CDKL4: variants seen among roughly 807,000 people sequenced by gnomAD.
CDKL4 encodes cyclin-dependent kinase-like 4.
CDKL4 carries 44 observed loss-of-function variants against 42.0 expected under a neutral mutation model. The ratio of observed to expected loss-of-function variants is 1.05; its 90% CI spans 0.82 to 1.35. CDKL4 has a LOEUF of 1.35. Ranked by LOEUF, CDKL4 falls within the 40% of genes most tolerant of loss-of-function variation. The pLI is 0.00. For synonymous variants in CDKL4, 120 were observed against 121.6 expected (o/e 0.99, Z 0.09); for missense variants, 393 against 369.9 (o/e 1.06, Z -0.51).
At chr2:39,196,273 C>A (rs530319660) in intron 5 of CDKL4, among the ~76,000 whole-genome samples, 1 of 152,300 alleles carries the variant, frequency 6.6e-6, no homozygotes, top group African/African-American at 2.4e-5. Flanking sequence ...CACTTCACTC[C>A]CCTGCTACCT....
intron 4 of CDKL4, among the ~76,000 whole-genome samples, chr2:39,212,469 G>A (rs990740390): frequency 8.6e-5 from 13 of 151,712 alleles, no homozygotes; most frequent in African/African-American, 1.9e-4. Context: ...TCCTGACTTC[G>A]TGATCCGCCT....
At chr2:39,186,866 C>T (rs1418744418) in intron 7 of CDKL4, among the ~76,000 whole-genome samples, 1 of 151,836 alleles carries the variant, frequency 6.6e-6, no homozygotes, top group Non-Finnish European at 1.5e-5. Flanking sequence ...ATCTAAGATA[C>T]TAAATATATT....
chr2:39,185,482 G>A (rs1675780025), intron 7 of CDKL4, among the ~76,000 whole-genome samples: 1 of 136,352 alleles, frequency 7.3e-6, no homozygotes, highest in Non-Finnish European at 1.6e-5. Context: ...ATATATATTT[G>A]AGACAGAGTC....
chr2:39,219,706 C>G (rs1039548679), intron 3 of CDKL4, among the ~76,000 whole-genome samples: 8 of 152,132 alleles, frequency 5.3e-5, no homozygotes, highest in African/African-American at 1.9e-4. Flanking sequence ...CAGGTAGGAG[C>G]CACTGTTCTT....
chr2:39,229,278 G>T, intron 2 of CDKL4, 87 bp downstream of exon 2: 1 of 990,306 alleles, frequency 1.0e-6, no homozygotes, highest in African/African-American at 1.7e-5. Flanking sequence ...CCAATGGGGG[G>T]AAAATAACTT....
chr2:39,196,069 C>T (rs1344779457), intron 5 of CDKL4, among the ~76,000 whole-genome samples: 1 of 152,214 alleles, frequency 6.6e-6, no homozygotes, highest in Non-Finnish European at 1.5e-5. Context: ...GCCATATTCT[C>T]CTGGGAGCTC....
At chr2:39,241,180 G>A (rs1296759725) in intron 1 of CDKL4, among the ~76,000 whole-genome samples, 3 of 152,152 alleles carry the variant, frequency 2.0e-5, no homozygotes, top group Admixed American at 6.5e-5. Flanking sequence ...TAGTTCTTGG[G>A]AATACACTGA....
intron 3 of CDKL4, among the ~76,000 whole-genome samples, chr2:39,214,860 T>C (rs939777052): frequency 5.9e-5 from 9 of 152,192 alleles, no homozygotes; most frequent in African/African-American, 1.9e-4. Flanking sequence ...TCCCTCTGTA[T>C]AGAAAATACT....
chr2:39,244,477 G>C (rs746320571), upstream of CDKL4, among the ~76,000 whole-genome samples: 1 of 152,246 alleles, frequency 6.6e-6, no homozygotes, highest in African/African-American at 2.4e-5. Flanking sequence ...CCGGCGCTGC[G>C]CTCGATTTCT....
chr2:39,182,740 T>C (rs563070643), intron 8 of CDKL4, among the ~76,000 whole-genome samples: 6 of 152,236 alleles, frequency 3.9e-5, no homozygotes, highest in Non-Finnish European at 7.3e-5. Flanking sequence ...GAAGCTGATA[T>C]AGTGATAGGA....
At position 39,196,886 on chromosome 2, in the gene CDKL4, C is replaced by T. The variant is rs1407716752; in HGVS notation, c.455-6384G>A. 2.6e-5 allele frequency among the ~76,000 whole-genome samples: 4 copies of T among 152,176 alleles called. No homozygotes were observed. In the East Asian group the frequency reaches 5.8e-4, roughly 22 times the overall value. ...CCTCCCAAAGTGTTGGGATTACAGG[C>T]GTAAGCCACTGTGCCTGGCCCAAAA... On this transcript the variant is annotated intron_variant, in intron 5 of 9. Coordinates refer to ENST00000451199, the Ensembl canonical transcript of CDKL4.
chr2:39,233,070 A>G (rs989222094), intron 1 of CDKL4, among the ~76,000 whole-genome samples: 1 of 35,022 alleles, frequency 2.9e-5, no homozygotes, highest in Non-Finnish European at 8.8e-5. Context: ...AAAAGAAAGA[A>G]AGAAAGAAAA....
intron 3 of CDKL4, among the ~76,000 whole-genome samples, chr2:39,215,669 C>A (rs541913597): frequency 1.3e-5 from 2 of 152,250 alleles, no homozygotes; most frequent in South Asian, 4.1e-4. Flanking sequence ...CTTTACAGAA[C>A]AGTGGGAAGG....
chr2:39,204,386 TAA>T (rs1443281427), intron 5 of CDKL4, 139 bp downstream of exon 5: 4 of 646,700 alleles, frequency 6.2e-6, no homozygotes, highest in African/African-American at 5.6e-5. Flanking sequence ...ATGTACTGAC[TAA>T]AAGGCTAAAG....
At chr2:39,214,629 C>T (rs570519494) in intron 3 of CDKL4, among the ~76,000 whole-genome samples, 8 of 152,300 alleles carry the variant, frequency 5.3e-5, no homozygotes, top group African/African-American at 1.9e-4. Context: ...CATTTCGATC[C>T]TGCATGGATG....
At chr2:39,231,847 T>C (rs542662752) in intron 1 of CDKL4, among the ~76,000 whole-genome samples, 2 of 152,190 alleles carry the variant, frequency 1.3e-5, no homozygotes, top group South Asian at 4.2e-4. Flanking sequence ...AGCCCAGGAG[T>C]TTGAGGTTAC....
At chr2:39,193,463 C>G (rs142959260) in intron 5 of CDKL4, among the ~76,000 whole-genome samples, 2,503 of 151,818 alleles carry the variant, frequency 0.016, 77 homozygotes, top group African/African-American at 0.057. Flanking sequence ...GCAACCTCCA[C>G]CTCCCGGGTA....
chr2:39,219,658 C>T (rs763180059), intron 3 of CDKL4, among the ~76,000 whole-genome samples: 11 of 152,020 alleles, frequency 7.2e-5, no homozygotes, highest in Non-Finnish European at 1.2e-4. Context: ...TGACCTCAAG[C>T]AATCTGCCTG....
chr2:39,181,430 A>T lies in CDKL4; in HGVS notation c.793-2109T>A, dbSNP rs550499646. 8.5e-5 allele frequency among the ~76,000 whole-genome samples: 13 copies of T among 152,276 alleles called. 1 individual carries two copies. The highest frequency in any genetic ancestry group is 5.9e-4 in the Admixed American group (9 of 15,292). On this transcript the variant is annotated intron_variant, in intron 8 of 9. Coordinates refer to ENST00000451199, the Ensembl canonical transcript of CDKL4. ...ATCAAAGTTTACCAGAGATTTCCACATCTACAATTCCATTCCAGACCTCCC... is the reference window on the plus strand; with the variant it reads ...ATCAAAGTTTACCAGAGATTTCCACTTCTACAATTCCATTCCAGACCTCCC...
Sources: allele counts gnomAD v4.1 joint callset (sites outside exome capture counted in the v4.1 genomes callset), GRCh38; gene constraint gnomAD v4.1.1; transcripts MANE v1.5; gene names NCBI Gene and HGNC (gene_info 2026-07-23, HGNC 2026-07-21).